HMMR: variants seen among roughly 807,000 people sequenced by gnomAD.
The protein encoded by HMMR is hyaluronan mediated motility receptor.
A neutral mutation model predicts 101.0 loss-of-function variants in HMMR; 108 were observed. The observed-to-expected ratio is 1.07, with a 90% CI of 0.92 to 1.25. The LOEUF is 1.25. Among genes scored for constraint, HMMR ranks in the 50% most tolerant of loss-of-function variants. The pLI is 0.00. For missense variants in HMMR, 813 were observed against 788.7 expected, an observed-to-expected ratio of 1.03 and a Z score of -0.37; for synonymous variants, 296 against 276.4, an observed-to-expected ratio of 1.07 and a Z score of -0.70.
At chr5:163,473,997 G>T (rs1349267257) in intron 9 of HMMR, 60 bp from the exon 10 acceptor site, 3 of 1,381,454 alleles carry the variant, frequency 2.2e-6, no homozygotes, top group Admixed American at 2.2e-5. Flanking sequence ...GGGAGTCCAG[G>T]TTTCTCAGTC....
rs753788370 is a variant in HMMR, at chr5:163,474,121, A to G, written c.969A>G (p.Lys323=). Residue 323 remains lysine (K), a synonymous_variant, in exon 10 of 18, where the codon AAA becomes AAG. Transcript: ENST00000393915. ...TAAATGCAGAGATGCAAAACTTAAA[A>G]CAGAAGTTTATTCTTGAACAACAGG... ...ENLNAEMQNL[K]QKFILEQQER... 6.2e-7 allele frequency: 1 copy of G among 1,611,476 alleles called. No homozygotes were observed. The highest frequency in any genetic ancestry group is 8.5e-7 in the Non-Finnish European group (1 of 1,178,160).
chr5:163,467,952 G>A (rs879562063), intron 4 of HMMR, among the ~76,000 whole-genome samples: 2 of 152,164 alleles, frequency 1.3e-5, no homozygotes, highest in African/African-American at 2.4e-5. Context: ...TGGCAACGCC[G>A]AGATTAAAGA....
chr5:163,460,673 T>A lies in HMMR; in HGVS notation c.-20T>A, dbSNP rs369764564. On this transcript the variant is annotated 5_prime_UTR_variant, in exon 1 of 18. Coordinates refer to ENST00000393915, the MANE Select transcript of HMMR (RefSeq NM_001142556.2). Reference sequence around the variant, plus strand: ...TCGAGGAGTGCCAGTCACCTTCAGTTTCTGGAGCTGGCCGTCAACATGTCC... The same window carrying A: ...TCGAGGAGTGCCAGTCACCTTCAGTATCTGGAGCTGGCCGTCAACATGTCC... 6.6e-5 allele frequency: 105 copies of A among 1,599,436 alleles called. 1 individual carries two copies. In the African/African-American group the frequency reaches 1.2e-3, roughly 19 times the overall value.
intron 17 of HMMR, 133 bp downstream of exon 17, chr5:163,490,685 T>TG: frequency 1.5e-6 from 1 of 688,800 alleles, no homozygotes; most frequent in Non-Finnish European, 2.5e-6. Context: ...TTACTGAGAT[T>TG]GTTGTGTACA....
At chr5:163,488,228 G>T (rs145546000) in intron 16 of HMMR, among the ~76,000 whole-genome samples, 1 of 152,112 alleles carries the variant, frequency 6.6e-6, no homozygotes, top group Non-Finnish European at 1.5e-5. Flanking sequence ...TTACATGGGT[G>T]CATTGCATGA....
rs748861338 is a variant in HMMR, at chr5:163,460,674, T to C, written c.-19T>C. 64 of 1,599,806 alleles carry C rather than the reference T, an allele frequency of 4.0e-5. No individual in the cohort carries two copies. Among genetic ancestry groups the C allele is most frequent in the Non-Finnish European group, 5.1e-5 (60 of 1,172,420 alleles). ...CGAGGAGTGCCAGTCACCTTCAGTT[T>C]CTGGAGCTGGCCGTCAACATGTCCT... On this transcript the variant is annotated 5_prime_UTR_variant, in exon 1 of 18. Coordinates refer to ENST00000393915, the MANE Select transcript of HMMR (RefSeq NM_001142556.2).
rs1485108127 is a variant in HMMR, at chr5:163,474,404, T to C, written c.1053+199T>C. The C allele has an allele frequency of 1.4e-5, 8 of 555,276 alleles. No individual in the cohort carries two copies. In the East Asian group the frequency reaches 2.7e-4, roughly 19 times the overall value. 34.4% of individuals were successfully genotyped at this position (555,276 alleles called of 1,614,324 possible). A position where few individuals can be genotyped will look rare whatever the true frequency, so the allele number is the denominator to read the frequency against. Reference sequence around the variant, plus strand: ...ATGTTCACCCTAGGGTTATGAATAATGTGGGAAAATGACAACAGATACAGC... The same window carrying C: ...ATGTTCACCCTAGGGTTATGAATAACGTGGGAAAATGACAACAGATACAGC... On this transcript the variant is annotated intron_variant, in intron 10 of 17. Transcript: ENST00000393915.
At chr5:163,480,805 A>G (rs988529038) in intron 12 of HMMR, among the ~76,000 whole-genome samples, 2 of 152,088 alleles carry the variant, frequency 1.3e-5, no homozygotes, top group Admixed American at 1.3e-4. Flanking sequence ...TAGGGTTATC[A>G]TCTTTTCCTC....
intron 3 of HMMR, among the ~76,000 whole-genome samples, chr5:163,466,591 CCTTT>C (rs1409931331): frequency 6.6e-6 from 1 of 152,020 alleles, no homozygotes; most frequent in Non-Finnish European, 1.5e-5. Flanking sequence ...TTTACTTTCT[CCTTT>C]CTATGTTTTA....
chr5:163,484,862 A>C (rs947056967), intron 16 of HMMR, among the ~76,000 whole-genome samples: 1 of 152,152 alleles, frequency 6.6e-6, no homozygotes, highest in Admixed American at 6.5e-5. Flanking sequence ...CATGGATTCA[A>C]ATAATATGTG....
In HMMR at chr5:163,483,349, T is replaced by C. The variant is rs1759345298; in HGVS notation, c.1767T>C (p.Asn589=). The C allele has an allele frequency of 6.3e-7, 1 of 1,584,112 alleles. No homozygotes were observed. Among genetic ancestry groups the C allele is most frequent in the African/African-American group, 1.3e-5 (1 of 74,096 alleles). ...KWRLLYEELY[N]KTKPFQLQLD... The stretch of plus-strand genomic sequence containing the variant: ...GTCTCCTCTATGAAGAACTATATAA[T>C]AAAACAAAACCTTTTCAGGTTTGTC... Residue 589 remains asparagine, a synonymous_variant, in exon 15 of 18, where the codon AAT becomes AAC. Coordinates refer to ENST00000393915, the MANE Select transcript of HMMR (RefSeq NM_001142556.2).
At chr5:163,466,751 GAA>G (rs1392420156) in intron 3 of HMMR, among the ~76,000 whole-genome samples, 2 of 152,018 alleles carry the variant, frequency 1.3e-5, no homozygotes, top group African/African-American at 4.8e-5. Context: ...ATGACATGCT[GAA>G]AAAATATATT....
chr5:163,483,665 G>A (rs1365394393), intron 15 of HMMR, among the ~76,000 whole-genome samples: 1 of 152,046 alleles, frequency 6.6e-6, no homozygotes, highest in East Asian at 1.9e-4. Flanking sequence ...GGGCTTGCCT[G>A]GTATGAGCTT....
At chr5:163,465,078 T>C (rs1450598259) in intron 3 of HMMR, 6 of 327,958 alleles carry the variant, frequency 1.8e-5, no homozygotes, top group Non-Finnish European at 3.3e-5. Flanking sequence ...ATTTCAAAAT[T>C]ATGTGATGCT....
At position 163,469,740 on chromosome 5, in the gene HMMR, A is replaced by C. The variant is rs769749840; in HGVS notation, c.373A>C (p.Arg125=). ...GGAAGCAAGGCTAAATGCTGCACTA[A>C]GGGAAAAAACATCTCTCTCTGCAAA... ...KMEARLNAAL[R]EKTSLSANNA... is the part of the protein sequence containing the mutation. Residue 125 remains arginine (R), a synonymous_variant, in exon 5 of 18, where the codon AGG becomes CGG. Coordinates refer to ENST00000393915, the MANE Select transcript of HMMR (RefSeq NM_001142556.2). The C allele has an allele frequency of 1.4e-5, 23 of 1,613,578 alleles. No individual in the cohort carries two copies. In the South Asian group the frequency reaches 2.5e-4, roughly 18 times the overall value.
At position 163,473,268 on chromosome 5, in the gene HMMR, A is replaced by T; in HGVS notation, c.725+15A>T. The T allele has an allele frequency of 1.3e-6, 2 of 1,514,610 alleles. No homozygotes were observed. The highest frequency in any genetic ancestry group is 1.8e-6 in the Non-Finnish European group (2 of 1,098,464). 93.8% of individuals were successfully genotyped at this position (1,514,610 alleles called of 1,614,324 possible). A position where few individuals can be genotyped will look rare whatever the true frequency, so the allele number is the denominator to read the frequency against. ...GAAGAAATTAGGTAATATGAGCAGT[A>T]GCTTTAAATTGAACCTTATTTTTTT... is the stretch of plus-strand genomic sequence containing the variant. On this transcript the variant is annotated intron_variant, in intron 8 of 17. Coordinates refer to ENST00000393915, the MANE Select transcript of HMMR (RefSeq NM_001142556.2).
intron 17 of HMMR, among the ~76,000 whole-genome samples, 181 bp downstream of exon 17, chr5:163,490,733 G>A (rs1180087260): frequency 3.3e-5 from 5 of 152,096 alleles, no homozygotes. Context: ...TTTCTTTTCT[G>A]TATACCTGGA....
intron 11 of HMMR, among the ~76,000 whole-genome samples, chr5:163,476,825 C>T (rs1581195605): frequency 6.6e-6 from 1 of 152,070 alleles, no homozygotes; most frequent in Admixed American, 6.6e-5. Context: ...GTCAGGAGTT[C>T]GAGACCAGCC....
At position 163,490,431 on chromosome 5, in the gene HMMR, AAGTG is replaced by A. The variant is rs1759652063; in HGVS notation, c.2007_2010del (p.Ser669ArgfsTer8). 1 of 1,597,104 alleles carries A rather than the reference AAGTG, an allele frequency of 6.3e-7. No homozygotes were observed. Among genetic ancestry groups the A allele is most frequent in the African/African-American group, 1.4e-5 (1 of 73,840 alleles). ...GCTGTCAGCTTGCTAAAAAAAAACA[AAGTG>A]AGACAAAACTTCAAGAGGAATTGAA... On this transcript the variant is annotated frameshift_variant, in exon 17 of 18. Coordinates refer to ENST00000393915, the MANE Select transcript of HMMR (RefSeq NM_001142556.2). LOFTEE classifies it high-confidence loss of function.
Sources: gnomAD v4.1 joint callset for allele counts (sites outside exome capture counted in the v4.1 genomes callset) on GRCh38, gnomAD v4.1.1 for gene constraint, MANE v1.5 for transcripts, NCBI Gene and HGNC (gene_info 2026-07-23, HGNC 2026-07-21) for gene names.